Variants in SPINK5 observed in about 807,000 individuals in gnomAD.
SPINK5 encodes serine peptidase inhibitor Kazal type 5.
Under a neutral mutation model 151.8 loss-of-function variants are expected in SPINK5, and 125 were observed. The observed-to-expected ratio is 0.82, with a 90% CI of 0.71 to 0.96. SPINK5 has a LOEUF of 0.96. Among genes scored for constraint, SPINK5 ranks in the 40% least tolerant of loss-of-function variants. The pLI is 0.00. For synonymous variants in SPINK5, 374 were observed against 395.3 expected (o/e 0.95, Z 0.64); for missense variants, 1,194 against 1,291.9 (o/e 0.92, Z 1.16).
At chr5:148,105,252 C>T (rs1035392856) in intron 16 of SPINK5, among the ~76,000 whole-genome samples, 3 of 152,106 alleles carry the variant, frequency 2.0e-5, no homozygotes, top group Non-Finnish European at 2.9e-5. Context: ...GAATTTTCCC[C>T]ATATTTGGCT....
chr5:148,089,045 A>T (rs1315864629), intron 6 of SPINK5: 10 of 461,260 alleles, frequency 2.2e-5, no homozygotes, highest in Non-Finnish European at 3.5e-5. Context: ...TGGTAGGGGA[A>T]GGGGAAGGAA....
rs1421477348 is a variant in SPINK5 at position 148,101,415 on chromosome 5, T to G, written c.1281T>G (p.Ser427=). The G allele has an allele frequency of 6.2e-7, 1 of 1,611,294 alleles. No individual in the cohort carries two copies. Among genetic ancestry groups the G allele is most frequent in the Admixed American group, 1.7e-5 (1 of 59,942 alleles). Residue 427 remains serine (S), a synonymous_variant, in exon 14 of 33, where the codon TCT becomes TCG. Coordinates refer to ENST00000256084, the MANE Select transcript of SPINK5 (RefSeq NM_006846.4). ...KEGKSRNKRQ[S]KSTASFEELC... Reference sequence around the variant, plus strand: ...GTAAATCAAGAAACAAAAGACAATCTAAGAGTACAGCTTCCTTTGAGGTGA... The same window carrying G: ...GTAAATCAAGAAACAAAAGACAATCGAAGAGTACAGCTTCCTTTGAGGTGA...
rs1159209367 is a variant in SPINK5 at position 148,123,521 on chromosome 5, GTATATATATATA to G, written c.2539-293_2539-282del. Among the ~76,000 whole-genome samples, 5 of 25,016 alleles carry G rather than the reference GTATATATATATA, an allele frequency of 2.0e-4. 1 individual carries two copies. The highest frequency in any genetic ancestry group is 4.0e-4 in the African/African-American group (5 of 12,574). 16.4% of individuals were successfully genotyped at this position (25,016 alleles called of 152,430 possible). On this transcript the variant is annotated intron_variant, in intron 26 of 32. Coordinates refer to ENST00000256084, the MANE Select transcript of SPINK5 (RefSeq NM_006846.4). Reference sequence around the variant, plus strand: ...TGGAGTGCAGTGGTGCAATATATGTGTATATATATATATATATATATATATATATAATCTTGC... The same window carrying G: ...TGGAGTGCAGTGGTGCAATATATGTGTATATATATATATATATAATCTTGC...
At chr5:148,075,745 G>A (rs1364525583) in intron 4 of SPINK5, among the ~76,000 whole-genome samples, 2 of 151,732 alleles carry the variant, frequency 1.3e-5, no homozygotes, top group Non-Finnish European at 2.9e-5. Flanking sequence ...GGAATAAAAC[G>A]AGAGGTCTGT....
intron 8 of SPINK5, among the ~76,000 whole-genome samples, chr5:148,093,205 C>G (rs1315442718): frequency 6.6e-6 from 1 of 151,916 alleles, no homozygotes; most frequent in Non-Finnish European, 1.5e-5. Flanking sequence ...TAGAGATCCC[C>G]AAGCCTAGAG....
intron 18 of SPINK5, among the ~76,000 whole-genome samples, chr5:148,110,681 T>C (rs1030092732): frequency 9.9e-5 from 15 of 151,988 alleles, no homozygotes; most frequent in Admixed American, 9.2e-4. Context: ...AACTCCCACT[T>C]ATGAGAACAC....
chr5:148,134,705 A>C (rs1754654555), intron 32 of SPINK5, among the ~76,000 whole-genome samples: 1 of 152,186 alleles, frequency 6.6e-6, no homozygotes, highest in Admixed American at 6.5e-5. Context: ...CTAACAGACC[A>C]TGGTATAGTG....
At chr5:148,081,560 A>G (rs927609281) in intron 4 of SPINK5, among the ~76,000 whole-genome samples, 2 of 151,042 alleles carry the variant, frequency 1.3e-5, no homozygotes, top group African/African-American at 4.9e-5. Flanking sequence ...ATGTCCAAAA[A>G]GGGCAAATTT....
At chr5:148,093,223 GAGTATCATTTTTTTGGTAAA>G (rs1753360342) in intron 8 of SPINK5, among the ~76,000 whole-genome samples, 1 of 151,954 alleles carries the variant, frequency 6.6e-6, no homozygotes, top group Non-Finnish European at 1.5e-5. Flanking sequence ...GAGTAGCTTA[GAGTATCATTTTTTTGGTAAA>G]GTTTAGCCCT....
In SPINK5 at chr5:148,107,080, T is replaced by G. The variant is rs1331799705; in HGVS notation, c.1523T>G (p.Leu508Arg). ...EFRDQVRNGT[L>R]ICTREHNPVR... ...CGGGACCAAGTGAGGAATGGAACAC[T>G]TATATGCACCAGGGAGCATAATCCT... Residue 508 changes from leucine to arginine, a missense_variant, in exon 17 of 33, where the codon CTT (leucine) becomes CGT (arginine). Physicochemically the swap from Leu to Arg is moderately radical, Grantham distance 102. Coordinates refer to ENST00000256084, the MANE Select transcript of SPINK5 (RefSeq NM_006846.4). 1 of 1,613,276 alleles carries G rather than the reference T, an allele frequency of 6.2e-7. No individual in the cohort carries two copies. The highest frequency in any genetic ancestry group is 1.1e-5 in the South Asian group (1 of 91,070).
intron 16 of SPINK5, among the ~76,000 whole-genome samples, chr5:148,106,733 G>A (rs866777540): frequency 2.3e-4 from 35 of 152,008 alleles, no homozygotes; most frequent in African/African-American, 8.0e-4. Flanking sequence ...ATTTCCTCCA[G>A]GAAGGCTTCT....
chr5:148,064,024 G>A lies in SPINK5; in HGVS notation c.-21G>A. On this transcript the variant is annotated 5_prime_UTR_variant, in exon 1 of 33. Transcript: ENST00000256084. ...AGCAATGCATGGAGTGGACCTGTAG[G>A]CGACTTGCATCGTCTTCAACATGAA... The A allele has an allele frequency of 6.2e-7, 1 of 1,614,108 alleles. No individual in the cohort carries two copies. Among genetic ancestry groups the A allele is most frequent in the Non-Finnish European group, 8.5e-7 (1 of 1,179,996 alleles).
At chr5:148,087,548 C>A (rs1481330092) in intron 5 of SPINK5, among the ~76,000 whole-genome samples, 1 of 151,782 alleles carries the variant, frequency 6.6e-6, no homozygotes, top group Admixed American at 6.6e-5. Flanking sequence ...TCAACTCTCA[C>A]CAAGGGTCAA....
intron 22 of SPINK5, among the ~76,000 whole-genome samples, chr5:148,117,726 T>C (rs10038266): frequency 0.04 from 6,065 of 152,192 alleles, 411 homozygotes; most frequent in African/African-American, 0.14. Context: ...ATGTGAAACC[T>C]GCATATATGG....
chr5:148,089,973 C>T (rs1377183458), intron 7 of SPINK5, among the ~76,000 whole-genome samples: 1 of 151,752 alleles, frequency 6.6e-6, no homozygotes, highest in Non-Finnish European at 1.5e-5. Flanking sequence ...ACATCCATTG[C>T]TTCATTTGGG....
At chr5:148,105,036 C>G in intron 16 of SPINK5, 36 bp downstream of exon 16, 1 of 1,599,258 alleles carries the variant, frequency 6.3e-7, no homozygotes, top group Non-Finnish European at 8.6e-7. Flanking sequence ...TGTGCCCTGA[C>G]ATTTTTCATT....
rs191846731 is a variant in SPINK5, at chr5:148,121,234, C to T, written c.2538+843C>T. ...TTCTTGATCTGGCATTTCATTGCCA[C>T]CTAGTGTTCAGTTTTGGTCCTTATA... On this transcript the variant is annotated intron_variant, in intron 26 of 32. Coordinates refer to ENST00000256084, the MANE Select transcript of SPINK5 (RefSeq NM_006846.4). Among the ~76,000 whole-genome samples the T allele has an allele frequency of 5.6e-3, 851 of 151,346 alleles. 9 individuals carry two copies. Among genetic ancestry groups the T allele is most frequent in the African/African-American group, 0.019 (791 of 41,206 alleles).
At chr5:148,092,959 T>C (rs953912193) in intron 8 of SPINK5, among the ~76,000 whole-genome samples, 10 of 151,968 alleles carry the variant, frequency 6.6e-5, no homozygotes, top group Non-Finnish European at 1.3e-4. Context: ...AACCTCATTG[T>C]AGAAGTAGTA....
chr5:148,137,113 CA>C lies in SPINK5; in HGVS notation c.*123del. ...GTCTTATTTGCTATAGAAAACAATA[CA>C]GAGCTTTTGGGAATGGACTCACTGA... On this transcript the variant is annotated 3_prime_UTR_variant, in exon 33 of 33. Coordinates refer to ENST00000256084, the MANE Select transcript of SPINK5 (RefSeq NM_006846.4). 7.4e-7 allele frequency: 1 copy of C among 1,347,790 alleles called. No homozygotes were observed. Among genetic ancestry groups the C allele is most frequent in the Non-Finnish European group, 1.1e-6 (1 of 942,102 alleles). The allele number at this position is 1,347,790 out of a possible 1,614,324, so 83.5% of individuals were successfully genotyped here. A position where few individuals can be genotyped will look rare whatever the true frequency, so the allele number is the denominator to read the frequency against.
Sources: allele counts gnomAD v4.1 joint callset (sites outside exome capture counted in the v4.1 genomes callset), GRCh38; gene constraint gnomAD v4.1.1; transcripts MANE v1.5; gene names NCBI Gene and HGNC (gene_info 2026-07-23, HGNC 2026-07-21).